ZNF571: variants seen among roughly 807,000 people sequenced by gnomAD.
ZNF571 encodes the protein zinc finger protein 571.
ZNF571 carries 4 observed loss-of-function variants against 7.7 expected under a neutral mutation model. That is an observed-to-expected ratio of 0.52 (90% CI 0.25 to 1.18). The LOEUF (loss-of-function observed/expected upper bound fraction) is 1.18. ZNF571 is among the 50% of genes most tolerant of loss of function. The pLI, the probability that ZNF571 is intolerant of heterozygous loss-of-function variation, is 0.14. For synonymous variants in ZNF571, 251 were observed against 232.4 expected, an observed-to-expected ratio of 1.08 and a Z score of -0.73; for missense variants, 704 against 726.9, an observed-to-expected ratio of 0.97 and a Z score of 0.36.
Position 37,574,522 on chromosome 19 carries a change from G to C in ZNF571, c.137-8231C>G, listed in dbSNP as rs139339921. Among the ~76,000 whole-genome samples the C allele has an allele frequency of 1.7e-3, 256 of 152,212 alleles. 2 individuals carry two copies. The highest frequency in any genetic ancestry group is 2.9e-3 in the Admixed American group (44 of 15,290). On this transcript the variant is annotated intron_variant, in intron 3 of 3. Transcript: ENST00000451802. The stretch of plus-strand genomic sequence containing the variant: ...TTAGCTCATGCTTTAACTACCTTAA[G>C]TTTCATTATAACATTAGAACTCAAC...
At chr19:37,583,823 A>G in intron 3 of ZNF571, 148 bp downstream of exon 3, 1 of 724,014 alleles carries the variant, frequency 1.4e-6, no homozygotes, top group Non-Finnish European at 2.3e-6. Flanking sequence ...CTAAAGGATA[A>G]GAGATAAAAA....
At chr19:37,567,636 C>T (rs2042906819) in intron 3 of ZNF571, 1 of 152,120 alleles carries the variant, frequency 6.6e-6, no homozygotes, top group Admixed American at 6.6e-5. Context: ...TATGCTGTTC[C>T]ATCTGCCAAG....
chr19:37,564,794 A>C lies in ZNF571; in HGVS notation c.1634T>G (p.Leu545Arg). Residue 545 changes from leucine to arginine, a missense_variant, in exon 4 of 4, where the codon CTT becomes CGT. Leu to Arg is a moderately radical substitution (Grantham distance 102). Transcript: ENST00000451802. ...AGTATGAGTTCTCAGATGTTCAGTA[A>C]GGTGTGAGCCACGAATAAAAGCCTT... is the stretch of plus-strand genomic sequence containing the variant. ...CGKAFIRGSH[L>R]TEHLRTHTGE... The C allele has an allele frequency of 6.2e-7, 1 of 1,613,862 alleles. No homozygotes were observed. The highest frequency in any genetic ancestry group is 8.5e-7 in the Non-Finnish European group (1 of 1,179,900).
At chr19:37,571,411 G>A (rs893710518) in intron 3 of ZNF571, among the ~76,000 whole-genome samples, 7 of 151,962 alleles carry the variant, frequency 4.6e-5, no homozygotes, top group East Asian at 1.9e-4. Flanking sequence ...CAAAAGAATC[G>A]CCTGAACCCA....
chr19:37,586,354 C>T, intron 2 of ZNF571: 1 of 309,650 alleles, frequency 3.2e-6, no homozygotes, highest in Non-Finnish European at 5.9e-6. Context: ...TCATCTCTAC[C>T]TCACCAAACC....
chr19:37,581,668 G>T (rs892046675), intron 3 of ZNF571, among the ~76,000 whole-genome samples: 3 of 151,650 alleles, frequency 2.0e-5, no homozygotes, highest in Admixed American at 1.3e-4. Context: ...TTGCTATGTT[G>T]CCCAGGCTGG....
intron 3 of ZNF571, among the ~76,000 whole-genome samples, chr19:37,578,340 C>T (rs547052561): frequency 1.3e-5 from 2 of 152,240 alleles, no homozygotes; most frequent in Admixed American, 6.5e-5. Context: ...GAGAAGCTCC[C>T]TAACATGGTG....
At chr19:37,568,421 G>A (rs1306202554) in intron 3 of ZNF571, among the ~76,000 whole-genome samples, 1 of 151,212 alleles carries the variant, frequency 6.6e-6, no homozygotes, top group Non-Finnish European at 1.5e-5. Flanking sequence ...TTCTTTCATA[G>A]AAGAACAATA....
chr19:37,580,627 G>A (rs889025793), intron 3 of ZNF571, among the ~76,000 whole-genome samples: 10 of 152,150 alleles, frequency 6.6e-5, no homozygotes, highest in African/African-American at 1.7e-4. Flanking sequence ...GCTGGTCCCC[G>A]AGAACAGATT....
At chr19:37,584,715 C>T (rs553628434) in intron 2 of ZNF571, among the ~76,000 whole-genome samples, 2 of 152,206 alleles carry the variant, frequency 1.3e-5, no homozygotes, top group Non-Finnish European at 2.9e-5. Context: ...GTAATCCCAG[C>T]ACTTTGGGAG....
chr19:37,582,289 T>C (rs1339129358), intron 3 of ZNF571, among the ~76,000 whole-genome samples: 1 of 152,186 alleles, frequency 6.6e-6, no homozygotes, highest in African/African-American at 2.4e-5. Context: ...CCAAATCCAA[T>C]AGCCAATTTT....
At chr19:37,572,284 G>C (rs1049113113) in intron 3 of ZNF571, among the ~76,000 whole-genome samples, 2 of 152,130 alleles carry the variant, frequency 1.3e-5, no homozygotes, top group East Asian at 1.9e-4. Context: ...ACTTTGTGTG[G>C]TTTCAGTTAC....
chr19:37,586,014 C>T (rs2043660041), intron 2 of ZNF571: 1 of 152,236 alleles, frequency 6.6e-6, no homozygotes, highest in African/African-American at 2.4e-5. Flanking sequence ...CCTCTAGAAC[C>T]TCCAGAAGGA....
Position 37,564,560 on chromosome 19 carries a change from T to C in ZNF571, c.*38A>G, listed in dbSNP as rs1568338189. On this transcript the variant is annotated 3_prime_UTR_variant, in exon 4 of 4. Coordinates refer to ENST00000451802, the MANE Select transcript of ZNF571 (RefSeq NM_016536.5). ...ACATTCATTATAGATATGAAATAGA[T>C]GAAGATTTTCTTAAATTTAATCACA... The C allele has an allele frequency of 6.9e-7, 1 of 1,453,142 alleles. No individual in the cohort carries two copies. The highest frequency in any genetic ancestry group is 1.4e-5 in the African/African-American group (1 of 71,016). The allele number at this position is 1,453,142 out of a possible 1,614,324, so 90.0% of individuals were successfully genotyped here. A position where few individuals can be genotyped will look rare whatever the true frequency, so the allele number is the denominator to read the frequency against.
At chr19:37,567,500 A>G (rs941598743) in intron 3 of ZNF571, 22 of 151,822 alleles carry the variant, frequency 1.4e-4, no homozygotes, top group African/African-American at 4.4e-4. Context: ...AATTTCTCCA[A>G]TTTCTTCAAC....
chr19:37,564,725 C>T lies in ZNF571; in HGVS notation c.1703G>A (p.Ser568Asn). The T allele has an allele frequency of 6.2e-7, 1 of 1,613,572 alleles. No individual in the cohort carries two copies. The highest frequency in any genetic ancestry group is 8.5e-7 in the Non-Finnish European group (1 of 1,179,620). The stretch of plus-strand genomic sequence containing the variant: ...ATGCAGAGTAAGTTCTGAGCCACGA[C>T]TAAAGGCCCTCCCACATTCCTTACA... ...YECKECGRAF[S>N]RGSELTLHQR... The change falls in exon 4 of 4, where the codon AGT becomes AAT. Residue 568 changes from serine to asparagine, a missense_variant. Ser to Asn is a conservative substitution (Grantham distance 46). Transcript: ENST00000451802.
chr19:37,575,573 G>A (rs916899092), intron 3 of ZNF571: 1 of 152,098 alleles, frequency 6.6e-6, no homozygotes, highest in African/African-American at 2.4e-5. Context: ...CCCACTTCTC[G>A]TTCTGGGCCC....
At chr19:37,574,139 C>T (rs2043163706) in intron 3 of ZNF571, among the ~76,000 whole-genome samples, 2 of 152,162 alleles carry the variant, frequency 1.3e-5, no homozygotes, top group Non-Finnish European at 2.9e-5. Context: ...TAAAACTATA[C>T]TCTTTATGTC....
chr19:37,586,913 C>T (rs2043693330), intron 1 of ZNF571, 168 bp from the exon 2 acceptor site: 3 of 551,036 alleles, frequency 5.4e-6, no homozygotes, highest in South Asian at 4.9e-5. Context: ...GCAGACCTTT[C>T]CTTAATGTCC....
Sources: gnomAD v4.1 joint callset for allele counts (sites outside exome capture counted in the v4.1 genomes callset) on GRCh38, gnomAD v4.1.1 for gene constraint, MANE v1.5 for transcripts, NCBI Gene and HGNC (gene_info 2026-07-23, HGNC 2026-07-21) for gene names.